Variants in IFT122 observed in about 807,000 individuals in gnomAD.
IFT122 encodes the protein intraflagellar transport protein 122 homolog.
Under a neutral mutation model 161.6 loss-of-function variants are expected in IFT122, and 118 were observed. The ratio of observed to expected loss-of-function variants is 0.73; its 90% CI spans 0.63 to 0.85. The LOEUF (loss-of-function observed/expected upper bound fraction) is 0.85, where lower values mean the gene tolerates loss of function less well. IFT122 is among the 40% of genes least tolerant of loss of function. The pLI is 0.00. For synonymous variants in IFT122, 550 were observed against 602.4 expected (o/e 0.91, Z 1.27); for missense variants, 1,381 against 1,579.6 (o/e 0.87, Z 2.13).
chr3:129,441,236 A>G (rs1258955171), intron 1 of IFT122, among the ~76,000 whole-genome samples: 1 of 152,210 alleles, frequency 6.6e-6, no homozygotes, highest in African/African-American at 2.4e-5. Context: ...CCACTGGAGC[A>G]GGTTACTTGT....
chr3:129,460,899 G>A (rs746672790), intron 4 of IFT122: 2 of 1,613,864 alleles, frequency 1.2e-6, no homozygotes. Flanking sequence ...TTCCATTTCT[G>A]GGCCTCCACA....
chr3:129,507,849 G>A, intron 23 of IFT122, 87 bp downstream of exon 23: 12 of 995,762 alleles, frequency 1.2e-5, no homozygotes, highest in South Asian at 9.0e-5. Context: ...AGACTGGATG[G>A]AATGTAACCC....
At chr3:129,440,983 A>C (rs1264813436) in intron 1 of IFT122, among the ~76,000 whole-genome samples, 1 of 152,202 alleles carries the variant, frequency 6.6e-6, no homozygotes. Flanking sequence ...GGAGATGGGC[A>C]GGTATGATCA....
At chr3:129,450,533 A>G (rs144877247) in intron 2 of IFT122, among the ~76,000 whole-genome samples, 3 of 152,256 alleles carry the variant, frequency 2.0e-5, no homozygotes, top group African/African-American at 7.2e-5. Flanking sequence ...AGACTGATTA[A>G]TCTCCATTCT....
In IFT122 at chr3:129,507,720, G is replaced by A. The variant is rs2082331114; in HGVS notation, c.2844G>A (p.Leu948=). 1 of 1,614,058 alleles carries A rather than the reference G, an allele frequency of 6.2e-7. No individual in the cohort carries two copies. Among genetic ancestry groups the A allele is most frequent in the African/African-American group, 1.3e-5 (1 of 74,944 alleles). The change falls in exon 23 of 30, where the codon TTG becomes TTA. Residue 948 remains leucine, a synonymous_variant. Coordinates refer to ENST00000348417, the MANE Select transcript of IFT122 (RefSeq NM_052989.3). ...GCAAGTTCTACCACTTCCAGCGTTT[G>A]GCAGAGCTGTACCATGGTTACCATG... The part of the protein sequence containing the change: ...MLGKFYHFQR[L]AELYHGYHAI...
At chr3:129,511,725 A>G (rs1254156499) in intron 23 of IFT122, among the ~76,000 whole-genome samples, 1 of 152,196 alleles carries the variant, frequency 6.6e-6, no homozygotes, top group Non-Finnish European at 1.5e-5. Context: ...GAGCCAGGGA[A>G]ATGGGTCAGC....
intron 18 of IFT122, among the ~76,000 whole-genome samples, chr3:129,496,004 G>A (rs372574541): frequency 6.6e-5 from 10 of 152,234 alleles, no homozygotes; most frequent in East Asian, 1.9e-4. Flanking sequence ...TGCCGATCAT[G>A]CAGGACGACA....
intron 27 of IFT122, among the ~76,000 whole-genome samples, 157 bp from the exon 28 acceptor site, chr3:129,518,950 C>T (rs866442141): frequency 1.3e-5 from 2 of 152,240 alleles, no homozygotes; most frequent in African/African-American, 4.8e-5. Flanking sequence ...GAGTCCCTTC[C>T]TTCTGATTCC....
At position 129,506,408 on chromosome 3, in the gene IFT122, G is replaced by A. The variant is rs774797598; in HGVS notation, c.2651-1G>A. ...TTTTCCTCCCTCCACCACTCCTACA[G>A]CGTTCCACAAGGCTGGGCGACAGAG... is the stretch of plus-strand genomic sequence containing the variant. On this transcript the variant is annotated splice_acceptor_variant, in intron 21 of 29. Coordinates refer to ENST00000348417, the MANE Select transcript of IFT122 (RefSeq NM_052989.3). LOFTEE classifies it high-confidence loss of function. 7.4e-6 allele frequency: 12 copies of A among 1,613,742 alleles called. No homozygotes were observed. The highest frequency in any genetic ancestry group is 1.0e-5 in the Non-Finnish European group (12 of 1,180,000).
At chr3:129,512,127 G>T (rs539099713) in intron 23 of IFT122, among the ~76,000 whole-genome samples, 185 bp from the exon 24 acceptor site, 1 of 152,256 alleles carries the variant, frequency 6.6e-6, no homozygotes, top group South Asian at 2.1e-4. Flanking sequence ...ATACCACAAG[G>T]TTATTATGTT....
At chr3:129,445,840 G>A (rs2073926369) in intron 1 of IFT122, among the ~76,000 whole-genome samples, 1 of 152,230 alleles carries the variant, frequency 6.6e-6, no homozygotes, top group Non-Finnish European at 1.5e-5. Context: ...AGCAGGTGCT[G>A]TCTGGAATAA....
intron 1 of IFT122, among the ~76,000 whole-genome samples, chr3:129,448,557 T>C (rs930037952): frequency 3.9e-5 from 6 of 152,206 alleles, no homozygotes; most frequent in Non-Finnish European, 8.8e-5. Context: ...GTTTCTTTAC[T>C]GTACACGTGG....
rs201664523 is a variant in IFT122, at chr3:129,502,763, C to G, written c.2428C>G (p.Leu810Val). 1 of 1,612,318 alleles carries G rather than the reference C, an allele frequency of 6.2e-7. No homozygotes were observed. Among genetic ancestry groups the G allele is most frequent in the East Asian group, 2.2e-5 (1 of 44,876 alleles). ...CAAGGCTGAGCGCGAGCCCCTGCTGCTGTGCGCTACCTACCTCAAGAAGCT... is the reference window on the plus strand; with the variant it reads ...CAAGGCTGAGCGCGAGCCCCTGCTGGTGTGCGCTACCTACCTCAAGAAGCT... The part of the protein sequence containing the change: ...LDKAEREPLL[L>V]CATYLKKLDS... The change falls in exon 20 of 30, where the codon CTG becomes GTG. Residue 810 changes from leucine to valine, a missense_variant. By Grantham distance (32) the Leu-to-Val change is conservative (BLOSUM62 1). Coordinates refer to ENST00000348417, the MANE Select transcript of IFT122 (RefSeq NM_052989.3).
intron 1 of IFT122, among the ~76,000 whole-genome samples, chr3:129,446,392 T>C (rs1326227798): frequency 5.9e-5 from 9 of 152,020 alleles, no homozygotes; most frequent in Non-Finnish European, 1.3e-4. Context: ...GCTTGGCTAA[T>C]TTTTTGTAGA....
rs1235073599 is a variant in IFT122, at chr3:129,480,883, C to CA, written c.1489-639dup. Among the ~76,000 whole-genome samples, 20 of 151,336 alleles carry CA rather than the reference C, an allele frequency of 1.3e-4. No homozygotes were observed. In the South Asian group the frequency reaches 3.1e-3, roughly 24 times the overall value. On this transcript the variant is annotated intron_variant, in intron 13 of 29. Transcript: ENST00000348417. ...AGCCAATGTTAAAAACAAAACAAAA[C>CA]AAAAAAAACACCAGGGGTATTAAAA...
intron 21 of IFT122, 101 bp downstream of exon 21, chr3:129,504,522 C>G: frequency 1.1e-6 from 1 of 901,222 alleles, no homozygotes; most frequent in Middle Eastern, 2.2e-4. Context: ...CTGTAGATCC[C>G]AAGATAGATG....
chr3:129,485,618 C>T (rs564604595), intron 15 of IFT122, among the ~76,000 whole-genome samples: 2 of 152,342 alleles, frequency 1.3e-5, no homozygotes, highest in African/African-American at 4.8e-5. Flanking sequence ...CCTCAATTGC[C>T]CCAAACTAGC....
At chr3:129,458,064 A>G (rs2075748976) in intron 3 of IFT122, 1 of 159,392 alleles carries the variant, frequency 6.3e-6, no homozygotes, top group African/African-American at 2.4e-5. Context: ...TGTTCTCACT[A>G]TAAAAAAATA....
At chr3:129,517,271 CACACA>C (rs2084057722) in intron 26 of IFT122, among the ~76,000 whole-genome samples, 193 bp from the exon 27 acceptor site, 1 of 122,808 alleles carries the variant, frequency 8.1e-6, no homozygotes, top group African/African-American at 3.4e-5. Flanking sequence ...TGCTCCTGCA[CACACA>C]CACACACACA....
Sources: gnomAD v4.1 joint callset for allele counts (sites outside exome capture counted in the v4.1 genomes callset) on GRCh38, gnomAD v4.1.1 for gene constraint, MANE v1.5 for transcripts, NCBI Gene and HGNC (gene_info 2026-07-23, HGNC 2026-07-21) for gene names.